The following DENND5B variants were observed in gnomAD, a reference collection of about 807,000 sequenced individuals.
DENND5B encodes the protein DENN domain containing 5B, also known as DENN domain-containing protein 5B.
Under a neutral mutation model 140.6 loss-of-function variants are expected in DENND5B, and 34 were observed. The observed-to-expected ratio is 0.24, with a 90% CI of 0.18 to 0.32. The LOEUF (loss-of-function observed/expected upper bound fraction) is 0.32. Ranked by LOEUF, DENND5B falls within the 10% of genes least tolerant of loss-of-function variation. DENND5B has a pLI of 1.00. For missense variants in DENND5B, 1,142 were observed against 1,560.2 expected, an observed-to-expected ratio of 0.73 and a Z score of 4.52; for synonymous variants, 551 against 562.1, an observed-to-expected ratio of 0.98 and a Z score of 0.28.
At chr12:31,571,072 A>G (rs1247941978) in intron 1 of DENND5B, among the ~76,000 whole-genome samples, 5 of 152,028 alleles carry the variant, frequency 3.3e-5, no homozygotes, top group African/African-American at 9.7e-5. Context: ...AAATGTTTAC[A>G]TAGCCCTTAC....
chr12:31,422,075 G>C (rs1439141935), intron 11 of DENND5B, among the ~76,000 whole-genome samples: 4 of 151,982 alleles, frequency 2.6e-5, no homozygotes, highest in African/African-American at 9.7e-5. Context: ...CTACATTTAG[G>C]ATAGTGTTGC....
chr12:31,519,851 T>C (rs1255005178), intron 1 of DENND5B, among the ~76,000 whole-genome samples: 2 of 152,244 alleles, frequency 1.3e-5, no homozygotes, highest in Non-Finnish European at 2.9e-5. Context: ...TCAGTGATTT[T>C]AGTATATTTA....
At chr12:31,437,920 A>G (rs1337589691) in intron 7 of DENND5B, among the ~76,000 whole-genome samples, 1 of 152,232 alleles carries the variant, frequency 6.6e-6, no homozygotes, top group Non-Finnish European at 1.5e-5. Flanking sequence ...ATCACATTTT[A>G]ACATTCCATG....
chr12:31,499,708 C>A, intron 1 of DENND5B: 3 of 1,396,020 alleles, frequency 2.1e-6, no homozygotes, highest in South Asian at 1.6e-5. Context: ...GCTTTATGAA[C>A]AAATAAAAAC....
At chr12:31,547,504 T>C (rs1948902525) in intron 1 of DENND5B, among the ~76,000 whole-genome samples, 1 of 151,996 alleles carries the variant, frequency 6.6e-6, no homozygotes, top group Non-Finnish European at 1.5e-5. Context: ...GTTCAAGCGA[T>C]TCTCCTGCCT....
chr12:31,474,250 C>G (rs1945689996), intron 3 of DENND5B, among the ~76,000 whole-genome samples: 3 of 150,938 alleles, frequency 2.0e-5, no homozygotes, highest in African/African-American at 7.3e-5. Context: ...TAAGCAAGGC[C>G]CAAAAATGTT....
At chr12:31,431,080 TAC>T (rs993172218) in intron 8 of DENND5B, among the ~76,000 whole-genome samples, 1 of 152,210 alleles carries the variant, frequency 6.6e-6, no homozygotes, top group Non-Finnish European at 1.5e-5. Flanking sequence ...GCTTTTATAA[TAC>T]AGTCTAGAAG....
chr12:31,464,233 G>A (rs190119682), intron 3 of DENND5B, among the ~76,000 whole-genome samples: 70 of 152,264 alleles, frequency 4.6e-4, no homozygotes, highest in African/African-American at 1.6e-3. Flanking sequence ...TCCATATGCA[G>A]TAAGACCACT....
intron 1 of DENND5B, among the ~76,000 whole-genome samples, chr12:31,509,083 T>G (rs2031918976): frequency 6.6e-6 from 1 of 152,066 alleles, no homozygotes; most frequent in East Asian, 1.9e-4. Flanking sequence ...AACAAAGTCT[T>G]CCTTCCTCCC....
chr12:31,516,076 T>C (rs778331079), intron 1 of DENND5B, among the ~76,000 whole-genome samples: 4 of 152,350 alleles, frequency 2.6e-5, no homozygotes, highest in African/African-American at 7.2e-5. Context: ...CCCTTGTTTA[T>C]TGGGCTGAAC....
chr12:31,571,494 A>T (rs1436439686), intron 1 of DENND5B, among the ~76,000 whole-genome samples: 1 of 100,876 alleles, frequency 9.9e-6, no homozygotes, highest in Admixed American at 1.7e-4. Flanking sequence ...TTTGGGTTTA[A>T]AAAAAAAAAG....
At chr12:31,527,073 T>G (rs186547137) in intron 1 of DENND5B, among the ~76,000 whole-genome samples, 1 of 152,026 alleles carries the variant, frequency 6.6e-6, no homozygotes, top group Non-Finnish European at 1.5e-5. Context: ...ATAAACATAA[T>G]AAATAAGTTA....
At chr12:31,396,282 C>G (rs1290449242) in intron 17 of DENND5B, 1 of 151,562 alleles carries the variant, frequency 6.6e-6, no homozygotes, top group African/African-American at 2.4e-5. Context: ...GTTGGTCAGG[C>G]TGGTCTTGAA....
intron 7 of DENND5B, among the ~76,000 whole-genome samples, chr12:31,435,604 T>A (rs1943710652): frequency 6.6e-6 from 1 of 152,164 alleles, no homozygotes; most frequent in African/African-American, 2.4e-5. Flanking sequence ...TACGTTTGGA[T>A]CTTCAGTTCA....
chr12:31,590,665 G>GC, intron 1 of DENND5B, 41 bp downstream of exon 1: 1 of 1,426,098 alleles, frequency 7.0e-7, no homozygotes, highest in African/African-American at 1.5e-5. Flanking sequence ...CGTCCCCCGC[G>GC]CCCCTGAGGG....
chr12:31,401,427 T>A (rs1941791745), intron 15 of DENND5B, among the ~76,000 whole-genome samples: 1 of 152,070 alleles, frequency 6.6e-6, no homozygotes, highest in Admixed American at 6.6e-5. Flanking sequence ...CGGGAGGGCA[T>A]CATGACTCTA....
chr12:31,533,252 A>G lies in DENND5B; in HGVS notation c.128-37333T>C, dbSNP rs116391663. On this transcript the variant is annotated intron_variant, in intron 1 of 20. Coordinates refer to ENST00000389082, the MANE Select transcript of DENND5B (RefSeq NM_144973.4). ...AACTGTGGATTGAAAATATTTGAAG[A>G]AAAAAAAACAATTTAAAAAGCCAAT... 3.4e-3 allele frequency among the ~76,000 whole-genome samples: 516 copies of G among 151,358 alleles called. 3 individuals are homozygous for G. Among genetic ancestry groups the G allele is most frequent in the African/African-American group, 0.011 (474 of 41,290 alleles).
intron 1 of DENND5B, among the ~76,000 whole-genome samples, chr12:31,505,134 T>C (rs1257352626): frequency 6.6e-6 from 1 of 152,162 alleles, no homozygotes; most frequent in East Asian, 1.9e-4. Context: ...CTGACTATAA[T>C]ACTAACCCCT....
intron 1 of DENND5B, among the ~76,000 whole-genome samples, chr12:31,526,584 G>A (rs1948090864): frequency 1.3e-5 from 2 of 152,212 alleles, no homozygotes; most frequent in African/African-American, 4.8e-5. Flanking sequence ...AATCCTTTAA[G>A]AAGTAGTCTC....
Sources: gnomAD v4.1 joint callset for allele counts (sites outside exome capture counted in the v4.1 genomes callset) on GRCh38, gnomAD v4.1.1 for gene constraint, MANE v1.5 for transcripts, NCBI Gene and HGNC (gene_info 2026-07-23, HGNC 2026-07-21) for gene names.